CDH22: variants seen among roughly 807,000 people sequenced by gnomAD.
The protein encoded by CDH22 is cadherin 22, also known as cadherin-22.
A neutral mutation model predicts 58.4 loss-of-function variants in CDH22; 30 were observed. The observed-to-expected ratio is 0.51, with a 90% CI of 0.38 to 0.70. CDH22 has a LOEUF of 0.70. Ranked by LOEUF, CDH22 falls within the 30% of genes least tolerant of loss-of-function variation. CDH22 has a pLI of 0.00. For synonymous variants in CDH22, 513 were observed against 558.2 expected, an observed-to-expected ratio of 0.92 and a Z score of 1.14; for missense variants, 1,014 against 1,233.9, an observed-to-expected ratio of 0.82 and a Z score of 2.67.
At chr20:46,218,038 C>T (rs2086098669) in intron 4 of CDH22, among the ~76,000 whole-genome samples, 1 of 152,120 alleles carries the variant, frequency 6.6e-6, no homozygotes, top group Non-Finnish European at 1.5e-5. Flanking sequence ...ACTCTCCTGC[C>T]TCAGCCTCCT....
chr20:46,294,717 G>T (rs529147614), intron 1 of CDH22, among the ~76,000 whole-genome samples: 68 of 152,162 alleles, frequency 4.5e-4, no homozygotes, highest in Non-Finnish European at 7.5e-4. Flanking sequence ...GTAGGTGGGG[G>T]CTTGGGAGAA....
At chr20:46,274,654 T>C (rs1303069511) in intron 1 of CDH22, among the ~76,000 whole-genome samples, 1 of 152,116 alleles carries the variant, frequency 6.6e-6, no homozygotes, top group African/African-American at 2.4e-5. Context: ...TGATTCAACA[T>C]AGCCAAAAAG....
chr20:46,306,291 G>A (rs1176712808), intron 1 of CDH22, among the ~76,000 whole-genome samples: 2 of 152,200 alleles, frequency 1.3e-5, no homozygotes. Flanking sequence ...TTCCTATTCC[G>A]GCTCTGGGTA....
At chr20:46,236,835 G>A (rs1004398376) in intron 3 of CDH22, among the ~76,000 whole-genome samples, 9 of 151,694 alleles carry the variant, frequency 5.9e-5, no homozygotes. Context: ...GGGACTACAG[G>A]TGTATGCCAC....
Position 46,251,053 on chromosome 20 carries a change from AG to A in CDH22, c.241del (p.Leu81CysfsTer31), listed in dbSNP as rs753228153. 1 of 1,609,894 alleles carries A rather than the reference AG, an allele frequency of 6.2e-7. No homozygotes were observed. Among genetic ancestry groups the A allele is most frequent in the South Asian group, 1.1e-5 (1 of 91,014 alleles). On this transcript the variant is annotated frameshift_variant, in exon 2 of 12. Coordinates refer to ENST00000537909, the MANE Select transcript of CDH22 (RefSeq NM_021248.3). LOFTEE classifies it high-confidence loss of function. The surrounding 1 kb of genome is among the most constrained non-coding windows in gnomAD (Gnocchi z 6.7). ...VVEEYTGTEPLYVGKIHSDSD... is the reference protein window; with the variant it reads ...VVEEYTGTEPXYVGKIHSDSD... ...GCCCCACTTTACCTTGCCCACATAC[AG>A]GGGCTCCGTGCCCGTGTACTCCTCT...
At chr20:46,197,851 G>A (rs1484102824) in intron 8 of CDH22, among the ~76,000 whole-genome samples, 1 of 152,154 alleles carries the variant, frequency 6.6e-6, no homozygotes, top group African/African-American at 2.4e-5. Flanking sequence ...ACCCCAGAAT[G>A]GGCCAGTGGG....
At chr20:46,256,733 G>A (rs1360073662) in intron 1 of CDH22, among the ~76,000 whole-genome samples, 1 of 152,172 alleles carries the variant, frequency 6.6e-6, no homozygotes, top group African/African-American at 2.4e-5. Flanking sequence ...GGGTGCAGTG[G>A]TTCATGCCTG....
intron 6 of CDH22, among the ~76,000 whole-genome samples, chr20:46,211,678 C>A (rs1004555509): frequency 2.0e-5 from 3 of 152,156 alleles, no homozygotes; most frequent in Non-Finnish European, 4.4e-5. Context: ...GAGTTTGAAG[C>A]CTGATTCTGC....
chr20:46,265,945 TACACAC>T (rs10536307), intron 1 of CDH22, among the ~76,000 whole-genome samples: 21 of 147,972 alleles, frequency 1.4e-4, no homozygotes, highest in Non-Finnish European at 2.2e-4. Context: ...TTCACACAGA[TACACAC>T]ACACACACAC....
intron 1 of CDH22, among the ~76,000 whole-genome samples, chr20:46,256,569 G>A (rs2086407742): frequency 1.3e-5 from 2 of 152,166 alleles, no homozygotes; most frequent in African/African-American, 2.4e-5. Flanking sequence ...GAGTGCAGGG[G>A]AAGCAGCAGC....
In CDH22 at chr20:46,251,315, G is replaced by C. The variant is rs764136777; in HGVS notation, c.-21C>G. The C allele has an allele frequency of 1.4e-6, 2 of 1,431,098 alleles. No individual in the cohort carries two copies. The highest frequency in any genetic ancestry group is 2.9e-5 in the South Asian group (2 of 70,126). 88.6% of individuals were successfully genotyped at this position (1,431,098 alleles called of 1,614,324 possible). On this transcript the variant is annotated 5_prime_UTR_variant, in exon 2 of 12. Coordinates refer to ENST00000537909, the MANE Select transcript of CDH22 (RefSeq NM_021248.3). This position sits in a 1 kb window ranked among gnomAD's most constrained non-coding sequence, Gnocchi z 6.7. ...CTCATCCTTGGCCTGCGCGGGGCTG[G>C]GGCCCAGGAGCATGGACGAGAGGCA...
At chr20:46,256,381 T>C (rs2086406683) in intron 1 of CDH22, among the ~76,000 whole-genome samples, 1 of 152,176 alleles carries the variant, frequency 6.6e-6, no homozygotes, top group Non-Finnish European at 1.5e-5. Context: ...AGGGAAGGCC[T>C]TGTCATTAAG....
At chr20:46,291,675 C>T (rs1197497466) in intron 1 of CDH22, among the ~76,000 whole-genome samples, 2 of 152,246 alleles carry the variant, frequency 1.3e-5, no homozygotes, top group African/African-American at 4.8e-5. Flanking sequence ...GGTGAACGAC[C>T]TCTCAACACA....
intron 3 of CDH22, among the ~76,000 whole-genome samples, chr20:46,236,604 T>C (rs2086254637): frequency 1.4e-5 from 2 of 143,166 alleles, no homozygotes; most frequent in Non-Finnish European, 3.0e-5. Flanking sequence ...ATATATTATA[T>C]ATAGATATAT....
intron 1 of CDH22, among the ~76,000 whole-genome samples, chr20:46,299,350 G>A (rs1339848676): frequency 6.6e-6 from 1 of 152,194 alleles, no homozygotes; most frequent in African/African-American, 2.4e-5. Flanking sequence ...CTCCCCCAGT[G>A]CCTTCGACCA....
chr20:46,181,748 C>CTTTCTTTCTTTCTTTCTTTCTTTCT (rs1555800212), intron 10 of CDH22, among the ~76,000 whole-genome samples: 3 of 26,312 alleles, frequency 1.1e-4, no homozygotes, highest in Non-Finnish European at 1.7e-4. Context: ...TCCTTCCTTC[C>CTTTCTTTCTTTCTTTCTTTCTTTCT]TTCCTTCTTT....
At chr20:46,232,824 G>C (rs947794640) in intron 3 of CDH22, among the ~76,000 whole-genome samples, 15 of 152,150 alleles carry the variant, frequency 9.9e-5, no homozygotes, top group African/African-American at 3.4e-4. Flanking sequence ...GGCTGGCCTC[G>C]ACCCTGCTTC....
At chr20:46,301,067 C>T (rs1477724675) in intron 1 of CDH22, among the ~76,000 whole-genome samples, 3 of 152,014 alleles carry the variant, frequency 2.0e-5, no homozygotes, top group Non-Finnish European at 2.9e-5. Context: ...AAGCAAGATG[C>T]CATTTTTATT....
Position 46,186,585 on chromosome 20 carries a change from C to T in CDH22, c.1663+3G>A, listed in dbSNP as rs2085826522. 4.4e-6 allele frequency: 7 copies of T among 1,600,688 alleles called. No homozygotes were observed. In the East Asian group the frequency reaches 1.6e-4, roughly 36 times the overall value. On this transcript the variant is annotated splice_donor_region_variant and intron_variant, in intron 10 of 11. Coordinates refer to ENST00000537909, the MANE Select transcript of CDH22 (RefSeq NM_021248.3). ...TCTTGCATCCTAGGGTTTGGAGGCT[C>T]ACCTTGGATGTCAAGCAGAGAGAAA...
Sources: allele counts gnomAD v4.1 joint callset (sites outside exome capture counted in the v4.1 genomes callset), GRCh38; gene constraint gnomAD v4.1.1; non-coding constraint Gnocchi (gnomAD v3.1); transcripts MANE v1.5; gene names NCBI Gene and HGNC (gene_info 2026-07-23, HGNC 2026-07-21).